The following MCMBP variants were observed in gnomAD, a reference collection of about 807,000 sequenced individuals.
The protein encoded by MCMBP is mini-chromosome maintenance complex-binding protein.
In MCMBP, 31 loss-of-function variants were observed where a neutral mutation model predicts 81.3. The observed-to-expected ratio is 0.38, with a 90% CI of 0.29 to 0.51. The LOEUF is 0.51. Ranked by LOEUF, MCMBP falls within the 20% of genes least tolerant of loss-of-function variation. MCMBP has a pLI of 0.87. For synonymous variants in MCMBP, 267 were observed against 275.9 expected (o/e 0.97, Z 0.32); for missense variants, 645 against 772.1 (o/e 0.84, Z 1.95).
intron 2 of MCMBP, 130 bp downstream of exon 2, chr10:119,859,669 C>CA (rs1853181884): frequency 9.9e-6 from 6 of 603,582 alleles, no homozygotes; most frequent in Non-Finnish European, 1.7e-5. Flanking sequence ...TCTTTTAATA[C>CA]AAATGTACTT....
chr10:119,838,188 T>C (rs1852313024), intron 12 of MCMBP, among the ~76,000 whole-genome samples: 1 of 150,220 alleles, frequency 6.7e-6, no homozygotes, highest in Non-Finnish European at 1.5e-5. Context: ...TCCATTATAC[T>C]AATACTACCC....
At chr10:119,857,739 T>C (rs1169409161) in intron 4 of MCMBP, 1 of 187,420 alleles carries the variant, frequency 5.3e-6, no homozygotes, top group Non-Finnish European at 1.1e-5. Context: ...TGATGTTATC[T>C]AGGCCTTTTT....
chr10:119,838,250 ATATT>A (rs1416786742), intron 12 of MCMBP, among the ~76,000 whole-genome samples: 2 of 148,220 alleles, frequency 1.3e-5, no homozygotes, highest in East Asian at 3.9e-4. Flanking sequence ...TATATGATAT[ATATT>A]AAATGAGACA....
intron 6 of MCMBP, among the ~76,000 whole-genome samples, chr10:119,851,811 T>C (rs372162511): frequency 6.6e-6 from 1 of 152,164 alleles, no homozygotes; most frequent in East Asian, 1.9e-4. Flanking sequence ...TAGAGTAATA[T>C]AAGGGTAAAT....
In MCMBP at chr10:119,840,794, AT is replaced by A. The variant is rs532696042; in HGVS notation, c.1242+48del. On this transcript the variant is annotated intron_variant, in intron 11 of 15. Coordinates refer to ENST00000369077, the MANE Select transcript of MCMBP (RefSeq NM_001256378.2). ...AAGTGAATGAAAGACAGTTAGATGG[AT>A]TTTTTAAGTGTGCTTAGGTTTATAA... 740 of 1,095,052 alleles carry A rather than the reference AT, an allele frequency of 6.8e-4. 5 individuals carry two copies. In the African/African-American group the frequency reaches 0.011, roughly 17 times the overall value. The allele number at this position is 1,095,052 out of a possible 1,614,324, so 67.8% of individuals were successfully genotyped here.
rs113898024 is a variant in MCMBP at position 119,863,585 on chromosome 10, C to T, written c.59-3701G>A. 9.8e-3 allele frequency among the ~76,000 whole-genome samples: 1,490 copies of T among 151,684 alleles called. 26 individuals are homozygous for T. Among genetic ancestry groups the T allele is most frequent in the African/African-American group, 0.034 (1,424 of 41,328 alleles). On this transcript the variant is annotated intron_variant, in intron 1 of 15. Transcript: ENST00000369077. Reference sequence around the variant, plus strand: ...CTCTACTAAAAATACAAAAATTAGCCGGGCGTGGTGGCACACGCCTGTAAT... The same window carrying T: ...CTCTACTAAAAATACAAAAATTAGCTGGGCGTGGTGGCACACGCCTGTAAT...
chr10:119,853,750 T>A (rs1464188969), intron 5 of MCMBP, among the ~76,000 whole-genome samples: 4 of 152,238 alleles, frequency 2.6e-5, no homozygotes, highest in African/African-American at 9.6e-5. Context: ...AGAGAACAGC[T>A]GCTAGTTGGC....
At position 119,871,948 on chromosome 10, in the gene MCMBP, G is replaced by A. The variant is rs199802852; in HGVS notation, c.58+579C>T. Among the ~76,000 whole-genome samples, 4 of 152,222 alleles carry A rather than the reference G, an allele frequency of 2.6e-5. No homozygotes were observed. In the East Asian group the frequency reaches 7.7e-4, roughly 29 times the overall value. On this transcript the variant is annotated intron_variant, in intron 1 of 15. Coordinates refer to ENST00000369077, the MANE Select transcript of MCMBP (RefSeq NM_001256378.2). ...TCTTGCTGGCTCTGGCACAGGAGCA[G>A]ATCCAGACTAGATGGGTTCTAAAGT...
intron 14 of MCMBP, among the ~76,000 whole-genome samples, chr10:119,834,653 CACACACACAA>C (rs1490119179): frequency 2.6e-5 from 4 of 151,680 alleles, no homozygotes; most frequent in Non-Finnish European, 4.4e-5. Flanking sequence ...CCCCTATCTG[CACACACACAA>C]ACACACACAC....
chr10:119,843,670 ATTTTTT>A (rs535669997), intron 8 of MCMBP, among the ~76,000 whole-genome samples: 6 of 149,354 alleles, frequency 4.0e-5, no homozygotes, highest in African/African-American at 9.8e-5. Flanking sequence ...TTTTATTTTT[ATTTTTT>A]TTTTGGATGG....
intron 14 of MCMBP, 121 bp downstream of exon 14, chr10:119,835,419 T>G (rs1344872749): frequency 6.6e-6 from 6 of 907,622 alleles, no homozygotes; most frequent in Non-Finnish European, 1.0e-5. Context: ...AACAGAGGAA[T>G]AAAAAAAGAC....
At chr10:119,859,915 T>C in intron 1 of MCMBP, 31 bp from the exon 2 acceptor site, 1 of 1,492,196 alleles carries the variant, frequency 6.7e-7, no homozygotes, top group South Asian at 1.1e-5. Flanking sequence ...TCAAAGCTAA[T>C]GTACATGCAA....
chr10:119,838,464 A>G (rs1023851428), intron 12 of MCMBP, 71 bp downstream of exon 12: 2 of 1,469,934 alleles, frequency 1.4e-6, no homozygotes, highest in Non-Finnish European at 1.9e-6. Flanking sequence ...ATACTCTTCT[A>G]AAAGTTATTC....
chr10:119,840,588 G>C (rs17099337), intron 11 of MCMBP, among the ~76,000 whole-genome samples: 8,410 of 152,244 alleles, frequency 0.055, 427 homozygotes, highest in South Asian at 0.27. Context: ...TTGGTATCAA[G>C]AGAGTGTAAT....
At chr10:119,866,780 T>C (rs951026463) in intron 1 of MCMBP, among the ~76,000 whole-genome samples, 5 of 152,074 alleles carry the variant, frequency 3.3e-5, no homozygotes, top group Non-Finnish European at 5.9e-5. Flanking sequence ...CTGAGCAACA[T>C]AGTGAAACAC....
At chr10:119,846,904 T>C (rs550461064) in intron 8 of MCMBP, among the ~76,000 whole-genome samples, 1 of 151,984 alleles carries the variant, frequency 6.6e-6, no homozygotes, top group Non-Finnish European at 1.5e-5. Flanking sequence ...TATATTTCTG[T>C]TGTTTAAGGA....
chr10:119,856,656 T>C (rs542561506), intron 5 of MCMBP, among the ~76,000 whole-genome samples: 2 of 152,210 alleles, frequency 1.3e-5, no homozygotes, highest in Non-Finnish European at 2.9e-5. Context: ...CCTTAAAATC[T>C]GTGCATTTCA....
At chr10:119,865,593 C>T (rs1263844779) in intron 1 of MCMBP, among the ~76,000 whole-genome samples, 1 of 152,132 alleles carries the variant, frequency 6.6e-6, no homozygotes, top group Non-Finnish European at 1.5e-5. Flanking sequence ...ATCATATGAC[C>T]TTGCAATTCC....
rs1851946847 is a variant in MCMBP, at chr10:119,830,002, G to GT, written c.*1471dup. On this transcript the variant is annotated 3_prime_UTR_variant, in exon 16 of 16. Coordinates refer to ENST00000369077, the MANE Select transcript of MCMBP (RefSeq NM_001256378.2). ...TGAAGCCTTCATTTTATTTCTAAAAGTTTAAGGAAGGTCTAGTCTACCAGT... is the reference window on the plus strand; with the variant it reads ...TGAAGCCTTCATTTTATTTCTAAAAGTTTTAAGGAAGGTCTAGTCTACCAGT... 2.0e-5 allele frequency: 3 copies of GT among 152,726 alleles called. No homozygotes were observed. In the South Asian group the frequency reaches 6.2e-4, roughly 32 times the overall value. The allele number at this position is 152,726 out of a possible 1,614,324, so 9.5% of individuals were successfully genotyped here.
Sources: gnomAD v4.1 joint callset for allele counts (sites outside exome capture counted in the v4.1 genomes callset) on GRCh38, gnomAD v4.1.1 for gene constraint, MANE v1.5 for transcripts, NCBI Gene and HGNC (gene_info 2026-07-23, HGNC 2026-07-21) for gene names.